The following ATOSB variants were observed in gnomAD, a reference collection of about 807,000 sequenced individuals.
ATOSB encodes atos homolog protein B.
At chr9:35,114,256 C>T in the ATOSB span, among the ~76,000 whole-genome samples, 1 of 152,204 alleles carries the variant, frequency 6.6e-6, no homozygotes, top group African/African-American at 2.4e-5. Flanking sequence ...GCCCTAGGCC[C>T]GCCCTCTCTG....
chr9:35,108,406 C>A, the ATOSB span: 1 of 1,408,408 alleles, frequency 7.1e-7, no homozygotes, highest in Non-Finnish European at 9.2e-7. Flanking sequence ...CTTCTTCCTT[C>A]CAGCTGAGTT....
chr9:35,108,309 C>T, the ATOSB span: 21 of 1,510,362 alleles, frequency 1.4e-5, 1 homozygote, highest in African/African-American at 5.6e-5. Flanking sequence ...CCCCCCAACA[C>T]GGCCTTTATG....
the ATOSB span, chr9:35,104,752 C>T: frequency 2.3e-5 from 5 of 213,328 alleles, no homozygotes; most frequent in South Asian, 1.0e-4. Flanking sequence ...CTGCCCCCAC[C>T]GCATAAGCCT....
chr9:35,106,364 C>T, the ATOSB span: 2 of 1,614,168 alleles, frequency 1.2e-6, no homozygotes, highest in East Asian at 2.2e-5. This position sits in a 1 kb window ranked among gnomAD's most constrained non-coding sequence, Gnocchi z 4.6. Flanking sequence ...TGCTGTGAAG[C>T]CCTCAATGTG....
the ATOSB span, chr9:35,111,627 CG>C: frequency 6.6e-6 from 1 of 151,962 alleles, no homozygotes; most frequent in Non-Finnish European, 1.5e-5. Context: ...CCACCCGCGC[CG>C]CGGCGGCCAC....
chr9:35,106,879 A>G, the ATOSB span: 2 of 1,570,846 alleles, frequency 1.3e-6, no homozygotes, highest in East Asian at 4.7e-5. This position sits in a 1 kb window ranked among gnomAD's most constrained non-coding sequence, Gnocchi z 4.6. Flanking sequence ...ATGGGACCGC[A>G]GTCTGTTGGG....
At chr9:35,106,575 G>A in the ATOSB span, 7 of 1,572,012 alleles carry the variant, frequency 4.5e-6, no homozygotes, top group Non-Finnish European at 6.0e-6. The surrounding 1 kb of genome is among the most constrained non-coding windows in gnomAD (Gnocchi z 4.6). Flanking sequence ...GACAGCAGGG[G>A]TAGGAACAGG....
At chr9:35,115,268 G>A in the ATOSB span, among the ~76,000 whole-genome samples, 1 of 152,062 alleles carries the variant, frequency 6.6e-6, no homozygotes. Context: ...GCCAGAAGGC[G>A]GAGTTAAAAG....
chr9:35,106,232 GGGTT>G, the ATOSB span: 1 of 1,612,980 alleles, frequency 6.2e-7, no homozygotes, highest in Non-Finnish European at 8.5e-7. This position sits in a 1 kb window ranked among gnomAD's most constrained non-coding sequence, Gnocchi z 4.6. Context: ...GCTGACTTTG[GGGTT>G]GGAGTCAAGG....
At chr9:35,111,646 A>T in the ATOSB span, 2 of 113,456 alleles carry the variant, frequency 1.8e-5, no homozygotes, top group Non-Finnish European at 3.6e-5. Context: ...CACGGCCGCC[A>T]CGCCCCCCTC....
chr9:35,106,182 GC>G, the ATOSB span: 2 of 1,595,484 alleles, frequency 1.3e-6, no homozygotes, highest in East Asian at 4.5e-5. This position sits in a 1 kb window ranked among gnomAD's most constrained non-coding sequence, Gnocchi z 4.6. Context: ...AATACCTCTT[GC>G]CCCCTGGCCC....
the ATOSB span, chr9:35,105,233 T>C: frequency 6.2e-7 from 1 of 1,612,794 alleles, no homozygotes; most frequent in Non-Finnish European, 8.5e-7. The surrounding 1 kb of genome is among the most constrained non-coding windows in gnomAD (Gnocchi z 5.5). Flanking sequence ...AGGGCAAAGG[T>C]GAATAACGTG....
At chr9:35,116,276 T>G in the ATOSB span, 1 of 152,268 alleles carries the variant, frequency 6.6e-6, no homozygotes, top group Non-Finnish European at 1.5e-5. Context: ...GCGGTCGCAC[T>G]CCAACCAGGA....
chr9:35,107,252 G>A, the ATOSB span: 3 of 1,135,410 alleles, frequency 2.6e-6, no homozygotes, highest in Admixed American at 2.8e-5. Context: ...GAGCCTGGGA[G>A]GAGGAGGTTG....
the ATOSB span, chr9:35,116,371 C>G: frequency 6.5e-6 from 1 of 152,814 alleles, no homozygotes; most frequent in African/African-American, 2.4e-5. Context: ...AGGTCCCACC[C>G]CGGCCACGTG....
the ATOSB span, among the ~76,000 whole-genome samples, chr9:35,113,663 AATAAATAAATAAAGAG>A: frequency 1.3e-4 from 19 of 144,930 alleles, no homozygotes; most frequent in South Asian, 1.9e-3. Flanking sequence ...TAAATAAATA[AATAAATAAATAAAGAG>A]GCCTTACCTT....
At chr9:35,112,742 A>G in the ATOSB span, among the ~76,000 whole-genome samples, 1 of 152,146 alleles carries the variant, frequency 6.6e-6, no homozygotes, top group African/African-American at 2.4e-5. Context: ...AGCAGGAGGC[A>G]AACACCAGAG....
At chr9:35,107,596 G>T in the ATOSB span, 1 of 1,590,556 alleles carries the variant, frequency 6.3e-7, no homozygotes, top group South Asian at 1.1e-5. Flanking sequence ...GGGGGTGTGT[G>T]CTCGGGACTG....
chr9:35,108,311 GC>G, the ATOSB span: 1 of 1,506,332 alleles, frequency 6.6e-7, no homozygotes, highest in Non-Finnish European at 8.8e-7. Context: ...CCCCAACACG[GC>G]CTTTATGCTG....
Sources: allele counts gnomAD v4.1 joint callset (sites outside exome capture counted in the v4.1 genomes callset), GRCh38; gene constraint gnomAD v4.1.1; non-coding constraint Gnocchi (gnomAD v3.1); transcripts MANE v1.5; gene names NCBI Gene and HGNC (gene_info 2026-07-23, HGNC 2026-07-21).